MAGI2: variants seen among roughly 807,000 people sequenced by gnomAD.
The protein encoded by MAGI2 is membrane-associated guanylate kinase, WW and PDZ domain-containing protein 2.
MAGI2 carries 35 observed loss-of-function variants against 133.3 expected under a neutral mutation model. The observed-to-expected ratio is 0.26, with a 90% CI of 0.20 to 0.35. MAGI2 has a LOEUF of 0.35. Among genes scored for constraint, MAGI2 ranks in the 10% least tolerant of loss-of-function variants. The pLI, the probability that MAGI2 is intolerant of heterozygous loss-of-function variation, is 1.00. For missense variants in MAGI2, 1,636 were observed against 1,863.4 expected, an observed-to-expected ratio of 0.88 and a Z score of 2.25; for synonymous variants, 729 against 710.6, an observed-to-expected ratio of 1.03 and a Z score of -0.41.
chr7:79,035,152 A>C, intron 1 of MAGI2, among the ~76,000 whole-genome samples: 1 of 142,768 alleles, frequency 7.0e-6, no homozygotes, highest in East Asian at 2.3e-4. Flanking sequence ...TTCCAAACAC[A>C]TGACTATTTT....
At chr7:78,800,339 C>T (rs1244253891) in intron 2 of MAGI2, among the ~76,000 whole-genome samples, 1 of 152,094 alleles carries the variant, frequency 6.6e-6, no homozygotes, top group Non-Finnish European at 1.5e-5. Context: ...TTGTGATCCA[C>T]ATAGTCATTC....
chr7:78,427,674 AC>A (rs1243913892), intron 6 of MAGI2, among the ~76,000 whole-genome samples: 3 of 151,558 alleles, frequency 2.0e-5, no homozygotes, highest in African/African-American at 4.9e-5. Flanking sequence ...AAAAAAAAAA[AC>A]AGCCAGAATA....
chr7:78,891,596 T>C (rs184989049), intron 2 of MAGI2, among the ~76,000 whole-genome samples: 2 of 152,188 alleles, frequency 1.3e-5, no homozygotes. Context: ...ATAAATGTAA[T>C]GCATCATGTA....
chr7:78,565,700 A>G (rs1446349424), intron 3 of MAGI2, among the ~76,000 whole-genome samples: 2 of 152,088 alleles, frequency 1.3e-5, no homozygotes, highest in Non-Finnish European at 2.9e-5. Flanking sequence ...AATTTTCTCC[A>G]TTTTTCAGCT....
chr7:78,513,609 C>G (rs1389962561), intron 4 of MAGI2, among the ~76,000 whole-genome samples: 4 of 152,156 alleles, frequency 2.6e-5, no homozygotes, highest in Non-Finnish European at 5.9e-5. Context: ...GAAACTTAAA[C>G]ATTTTCACAA....
chr7:79,043,821 C>T (rs1309576082), intron 1 of MAGI2, among the ~76,000 whole-genome samples: 1 of 151,966 alleles, frequency 6.6e-6, no homozygotes, highest in Non-Finnish European at 1.5e-5. Flanking sequence ...TTCCTGGAAA[C>T]ATAAACACTC....
chr7:78,697,361 A>G (rs1157082868), intron 2 of MAGI2, among the ~76,000 whole-genome samples: 1 of 152,190 alleles, frequency 6.6e-6, no homozygotes, highest in African/African-American at 2.4e-5. Flanking sequence ...TCATTTTGAT[A>G]GGAAGTATTA....
chr7:79,162,615 A>T (rs1201810642), intron 1 of MAGI2, among the ~76,000 whole-genome samples: 1 of 152,110 alleles, frequency 6.6e-6, no homozygotes, highest in Non-Finnish European at 1.5e-5. Flanking sequence ...AACCATAAGG[A>T]ATTTTCTACT....
chr7:79,290,637 A>G (rs1183181156), intron 1 of MAGI2, among the ~76,000 whole-genome samples: 2 of 151,740 alleles, frequency 1.3e-5, no homozygotes, highest in African/African-American at 4.8e-5. Context: ...ATTTTTTCTA[A>G]TATCTATTCA....
At chr7:78,074,944 G>GCCTCGAAA (rs1321273032) in intron 21 of MAGI2, among the ~76,000 whole-genome samples, 1 of 152,186 alleles carries the variant, frequency 6.6e-6, no homozygotes, top group East Asian at 1.9e-4. Flanking sequence ...GCCAGCTTTC[G>GCCTCGAAA]AGGTTGGCCA....
At chr7:78,612,891 C>T (rs549902423) in intron 3 of MAGI2, among the ~76,000 whole-genome samples, 18 of 152,132 alleles carry the variant, frequency 1.2e-4, no homozygotes, top group Non-Finnish European at 5.9e-5. Flanking sequence ...AGGATGGTCT[C>T]GATCTCCTGA....
At chr7:78,323,068 A>AAAG (rs1260175995) in intron 9 of MAGI2, among the ~76,000 whole-genome samples, 1 of 126,786 alleles carries the variant, frequency 7.9e-6, no homozygotes, top group African/African-American at 3.7e-5. Context: ...GGAAGAAAAA[A>AAAG]AAAAAGGTAA....
Position 78,501,782 on chromosome 7 carries a change from T to C in MAGI2, c.760A>G (p.Ser254Gly). ...CCTGCACTTTTGTCTTCATGTTCAC[T>C]GGATTCTATAAGAGAACAAGAGCAC... ...GNGVVVTPES[S>G]EHEDKSAGAS... Residue 254 changes from serine (S) to glycine (G), a missense_variant, in exon 5 of 22, where the codon AGT becomes GGT. Physicochemically the swap from Ser to Gly is moderately conservative, Grantham distance 56. Transcript: ENST00000354212. The C allele has an allele frequency of 6.2e-7, 1 of 1,613,240 alleles. No homozygotes were observed. Among genetic ancestry groups the C allele is most frequent in the Non-Finnish European group, 8.5e-7 (1 of 1,179,818 alleles).
At chr7:79,251,295 C>G (rs1833247710) in intron 1 of MAGI2, among the ~76,000 whole-genome samples, 1 of 151,904 alleles carries the variant, frequency 6.6e-6, no homozygotes, top group Non-Finnish European at 1.5e-5. Flanking sequence ...CAAAGTGAAG[C>G]AACAACCCAT....
At chr7:79,277,173 C>A (rs1185568451) in intron 1 of MAGI2, among the ~76,000 whole-genome samples, 1 of 151,988 alleles carries the variant, frequency 6.6e-6, no homozygotes, top group Non-Finnish European at 1.5e-5. Context: ...TAAGAAATTG[C>A]CACAGCCATC....
chr7:78,952,877 G>A (rs946423457), intron 2 of MAGI2, among the ~76,000 whole-genome samples: 2 of 152,186 alleles, frequency 1.3e-5, no homozygotes, highest in Admixed American at 6.5e-5. Flanking sequence ...GTACCTGGGT[G>A]TGAGTAGCAA....
intron 1 of MAGI2, among the ~76,000 whole-genome samples, chr7:79,283,824 T>C (rs1325831824): frequency 6.6e-6 from 1 of 152,156 alleles, no homozygotes; most frequent in Non-Finnish European, 1.5e-5. Context: ...CTGATATACA[T>C]TCATGTGCTG....
intron 6 of MAGI2, among the ~76,000 whole-genome samples, chr7:78,451,485 G>A (rs1358540154): frequency 2.6e-5 from 4 of 152,080 alleles, no homozygotes; most frequent in Non-Finnish European, 5.9e-5. Context: ...AGCTTCCCGT[G>A]AGAATGACAG....
intron 1 of MAGI2, among the ~76,000 whole-genome samples, chr7:79,364,412 T>C (rs1842559856): frequency 6.6e-6 from 1 of 152,068 alleles, no homozygotes; most frequent in African/African-American, 2.4e-5. Flanking sequence ...AATAAGTCAT[T>C]GCACCAATGT....
Sources: allele counts gnomAD v4.1 joint callset (sites outside exome capture counted in the v4.1 genomes callset), GRCh38; gene constraint gnomAD v4.1.1; transcripts MANE v1.5; gene names NCBI Gene and HGNC (gene_info 2026-07-23, HGNC 2026-07-21).